PPFIA2: variants seen among roughly 807,000 people sequenced by gnomAD.
PPFIA2 encodes liprin-alpha-2.
A neutral mutation model predicts 175.5 loss-of-function variants in PPFIA2; 46 were observed. That is an observed-to-expected ratio of 0.26 (90% CI 0.21 to 0.34). PPFIA2 has a LOEUF of 0.34. PPFIA2 is among the 10% of genes least tolerant of loss of function. The probability of loss-of-function intolerance (pLI) is 1.00; values close to 1 mark genes in which losing one functional copy is unlikely to be tolerated. For missense variants in PPFIA2, 1,179 were observed against 1,506.1 expected (o/e 0.78, Z 3.60); for synonymous variants, 568 against 511.4 (o/e 1.11, Z -1.49).
intron 3 of PPFIA2, among the ~76,000 whole-genome samples, chr12:81,715,853 A>C (rs534385692): frequency 6.6e-6 from 1 of 151,768 alleles, no homozygotes; most frequent in South Asian, 2.1e-4. Context: ...TTAAAATCAA[A>C]TTTGGACTAT....
chr12:81,339,855 A>C (rs1166393943), intron 20 of PPFIA2, among the ~76,000 whole-genome samples: 1 of 152,112 alleles, frequency 6.6e-6, no homozygotes, highest in Non-Finnish European at 1.5e-5. Flanking sequence ...ATCTGGGTGC[A>C]ATTTGGAAGC....
intron 4 of PPFIA2, among the ~76,000 whole-genome samples, chr12:81,591,280 G>T (rs753396854): frequency 6.6e-6 from 1 of 152,188 alleles, no homozygotes; most frequent in Non-Finnish European, 1.5e-5. Flanking sequence ...CATTCAAGAG[G>T]TGACTTGGGT....
At chr12:81,555,686 T>C (rs2068733877) in intron 4 of PPFIA2, among the ~76,000 whole-genome samples, 1 of 151,924 alleles carries the variant, frequency 6.6e-6, no homozygotes, top group Non-Finnish European at 1.5e-5. Context: ...AGAATAAAAT[T>C]AGAGCACAAA....
At chr12:81,362,045 CT>C (rs2030855462) in intron 15 of PPFIA2, among the ~76,000 whole-genome samples, 2 of 146,020 alleles carry the variant, frequency 1.4e-5, no homozygotes, top group Non-Finnish European at 3.0e-5. Flanking sequence ...ATCTATCTAT[CT>C]ATCTATGATC....
At chr12:81,676,703 C>A in intron 4 of PPFIA2, 88 bp downstream of exon 4, 1 of 894,318 alleles carries the variant, frequency 1.1e-6, no homozygotes, top group Admixed American at 3.5e-5. Flanking sequence ...CTGCATATGA[C>A]AAATAATATA....
At chr12:81,632,709 A>G (rs1280074299) in intron 4 of PPFIA2, among the ~76,000 whole-genome samples, 1 of 152,098 alleles carries the variant, frequency 6.6e-6, no homozygotes, top group African/African-American at 2.4e-5. Flanking sequence ...ATAAGAAAGG[A>G]AATATGCAAG....
chr12:81,328,388 G>C (rs1021132424), intron 21 of PPFIA2, among the ~76,000 whole-genome samples: 3 of 152,088 alleles, frequency 2.0e-5, no homozygotes, highest in Non-Finnish European at 4.4e-5. Flanking sequence ...TGTATTGTAA[G>C]TGTAAAATAC....
At chr12:81,618,398 ATAGT>A (rs954221796) in intron 4 of PPFIA2, among the ~76,000 whole-genome samples, 3 of 152,078 alleles carry the variant, frequency 2.0e-5, no homozygotes, top group African/African-American at 4.8e-5. Flanking sequence ...AATGTAGGTA[ATAGT>A]TAGCTTTAGC....
At chr12:81,376,110 C>T (rs942106749) in intron 9 of PPFIA2, among the ~76,000 whole-genome samples, 168 bp from the exon 10 acceptor site, 1 of 152,162 alleles carries the variant, frequency 6.6e-6, no homozygotes, top group Non-Finnish European at 1.5e-5. Flanking sequence ...ATGTTCCCAA[C>T]TTAGCTATCA....
chr12:81,582,399 A>AT (rs2074552598), intron 4 of PPFIA2, among the ~76,000 whole-genome samples: 4 of 151,882 alleles, frequency 2.6e-5, no homozygotes, highest in African/African-American at 9.6e-5. Context: ...ATTTCTCTAT[A>AT]TTTTTTGAAA....
intron 6 of PPFIA2, among the ~76,000 whole-genome samples, chr12:81,443,490 T>G (rs993663897): frequency 2.0e-5 from 3 of 151,016 alleles, no homozygotes; most frequent in Non-Finnish European, 4.4e-5. Context: ...ACTGAACTTC[T>G]ATAAAGTAAA....
At chr12:81,266,915 C>T (rs2037432253) in intron 30 of PPFIA2, 37 bp downstream of exon 30, 4 of 1,465,602 alleles carry the variant, frequency 2.7e-6, no homozygotes, top group East Asian at 2.3e-5. Context: ...TTTTCTTTTA[C>T]TCTCTCAGAT....
At chr12:81,433,439 C>G (rs553208541) in intron 7 of PPFIA2, among the ~76,000 whole-genome samples, 18 of 152,112 alleles carry the variant, frequency 1.2e-4, no homozygotes, top group Non-Finnish European at 5.9e-5. Context: ...GTTAGTTATA[C>G]GTGTATACGT....
At chr12:81,457,936 A>C (rs1202692148) in intron 4 of PPFIA2, 70 bp from the exon 5 acceptor site, 1 of 1,061,834 alleles carries the variant, frequency 9.4e-7, no homozygotes, top group East Asian at 2.6e-5. Context: ...CAAAATATAA[A>C]TTTCAAAATG....
intron 4 of PPFIA2, among the ~76,000 whole-genome samples, chr12:81,512,683 C>T (rs139724515): frequency 0.01 from 1,553 of 151,994 alleles, 13 homozygotes; most frequent in Non-Finnish European, 0.015. Context: ...TTTTCCCTCA[C>T]TCCCCTCCCA....
At chr12:81,694,375 C>T (rs1197166323) in intron 3 of PPFIA2, among the ~76,000 whole-genome samples, 1 of 152,160 alleles carries the variant, frequency 6.6e-6, no homozygotes, top group Non-Finnish European at 1.5e-5. Context: ...GCCTTCTTGG[C>T]ATCCTGGTTG....
intron 4 of PPFIA2, among the ~76,000 whole-genome samples, chr12:81,509,043 GT>G (rs1217250628): frequency 5.3e-5 from 8 of 152,024 alleles, no homozygotes; most frequent in African/African-American, 1.9e-4. Flanking sequence ...ATGAGTTCAT[GT>G]CCTTTGTAGG....
At chr12:81,707,035 G>A (rs1268567565) in intron 3 of PPFIA2, among the ~76,000 whole-genome samples, 1 of 152,054 alleles carries the variant, frequency 6.6e-6, no homozygotes, top group Non-Finnish European at 1.5e-5. Context: ...ATGGATTAAA[G>A]ACTTAAACGT....
At position 81,277,420 on chromosome 12, in the gene PPFIA2, T is replaced by A; in HGVS notation, c.3213-6A>T. 4 of 1,497,292 alleles carry A rather than the reference T, an allele frequency of 2.7e-6. No homozygotes were observed. The highest frequency in any genetic ancestry group is 3.5e-6 in the Non-Finnish European group (4 of 1,131,780). The allele number at this position is 1,497,292 out of a possible 1,614,324, so 92.8% of individuals were successfully genotyped here. ...TTCCATATTGTAAACTTGTTCTTTT[T>A]TTTTTATTAAAAAAAAAAAAACACA... On this transcript the variant is annotated splice_polypyrimidine_tract_variant and splice_region_variant and intron_variant, in intron 27 of 32. Transcript: ENST00000549396.
Sources: allele counts gnomAD v4.1 joint callset (sites outside exome capture counted in the v4.1 genomes callset), GRCh38; gene constraint gnomAD v4.1.1; transcripts MANE v1.5; gene names NCBI Gene and HGNC (gene_info 2026-07-23, HGNC 2026-07-21).